Variants in ASB7 observed in about 807,000 individuals in gnomAD.
ASB7 encodes the protein ankyrin repeat and SOCS box containing 7.
A neutral mutation model predicts 32.5 loss-of-function variants in ASB7; 4 were observed. That is an observed-to-expected ratio of 0.12 (90% CI 0.06 to 0.28). ASB7 has a LOEUF of 0.28. Among genes scored for constraint, ASB7 ranks in the 10% least tolerant of loss-of-function variants. ASB7 has a pLI of 1.00. For synonymous variants in ASB7, 172 were observed against 155.6 expected, an observed-to-expected ratio of 1.11 and a Z score of -0.78; for missense variants, 181 against 407.1, an observed-to-expected ratio of 0.44 and a Z score of 4.78.
chr15:100,637,952 GCT>G (rs1247257591), intron 5 of ASB7, among the ~76,000 whole-genome samples: 1 of 146,984 alleles, frequency 6.8e-6, no homozygotes, highest in African/African-American at 2.7e-5. Flanking sequence ...TTGGAAAGCA[GCT>G]CTTTTTTTTT....
intron 5 of ASB7, among the ~76,000 whole-genome samples, chr15:100,630,675 G>A (rs2039876729): frequency 6.6e-6 from 1 of 152,122 alleles, no homozygotes; most frequent in Non-Finnish European, 1.5e-5. Flanking sequence ...TTTTTGTGTG[G>A]GTGCTTTTTT....
At chr15:100,626,643 CTCTG>C (rs1033208654) in intron 4 of ASB7, among the ~76,000 whole-genome samples, 3 of 152,072 alleles carry the variant, frequency 2.0e-5, no homozygotes, top group Admixed American at 6.5e-5. Context: ...CTCTCTCTCT[CTCTG>C]TCTGTCTCTC....
rs1330660680 is a variant in ASB7 at position 100,602,602 on chromosome 15, T to A, written c.-717T>A. Reference sequence around the variant, plus strand: ...TGGTCCCATCCCAGTGACCCCAAAGTGCTGAAGGGAGGGGGCGGGGGTGGC... The same window carrying A: ...TGGTCCCATCCCAGTGACCCCAAAGAGCTGAAGGGAGGGGGCGGGGGTGGC... On this transcript the variant is annotated 5_prime_UTR_variant, in exon 1 of 6. Coordinates refer to ENST00000332783, the MANE Select transcript of ASB7 (RefSeq NM_198243.3). 6 of 181,062 alleles carry A rather than the reference T, an allele frequency of 3.3e-5. No individual in the cohort carries two copies. The highest frequency in any genetic ancestry group is 5.7e-5 in the Non-Finnish European group (5 of 87,778). 11.2% of individuals were successfully genotyped at this position (181,062 alleles called of 1,614,324 possible). A position where few individuals can be genotyped will look rare whatever the true frequency, so the allele number is the denominator to read the frequency against.
At chr15:100,616,757 T>G (rs1421220992) in intron 4 of ASB7, among the ~76,000 whole-genome samples, 1 of 152,258 alleles carries the variant, frequency 6.6e-6, no homozygotes, top group African/African-American at 2.4e-5. Flanking sequence ...CCCAGTGTAT[T>G]ATGAACCAAC....
intron 5 of ASB7, among the ~76,000 whole-genome samples, chr15:100,631,987 T>C (rs1312206207): frequency 2.0e-5 from 3 of 152,176 alleles, no homozygotes; most frequent in Non-Finnish European, 4.4e-5. Context: ...AGTCTGTACA[T>C]GGAGGCACGC....
At chr15:100,610,604 G>A (rs2039687588) in intron 3 of ASB7, among the ~76,000 whole-genome samples, 1 of 152,154 alleles carries the variant, frequency 6.6e-6, no homozygotes, top group African/African-American at 2.4e-5. Context: ...GTGATACTTA[G>A]GAGTAGGTAA....
At chr15:100,616,579 T>G (rs2039745252) in intron 4 of ASB7, among the ~76,000 whole-genome samples, 1 of 152,250 alleles carries the variant, frequency 6.6e-6, no homozygotes, top group African/African-American at 2.4e-5. Flanking sequence ...TCTTTCTTCA[T>G]TACTGTGCAC....
At chr15:100,625,029 A>T (rs1199792925) in intron 4 of ASB7, among the ~76,000 whole-genome samples, 1 of 152,216 alleles carries the variant, frequency 6.6e-6, no homozygotes, top group Admixed American at 6.5e-5. Flanking sequence ...CAATCATTTC[A>T]GTAGATTCAG....
intron 5 of ASB7, among the ~76,000 whole-genome samples, chr15:100,632,036 A>G (rs1157175695): frequency 6.6e-6 from 1 of 152,206 alleles, no homozygotes; most frequent in African/African-American, 2.4e-5. Flanking sequence ...CAGGACAAGC[A>G]CGTGGGCGGC....
At chr15:100,631,046 A>G (rs187780222) in intron 5 of ASB7, among the ~76,000 whole-genome samples, 1 of 152,206 alleles carries the variant, frequency 6.6e-6, no homozygotes, top group African/African-American at 2.4e-5. Flanking sequence ...CCTTTGGAGT[A>G]CACATTTGCT....
At chr15:100,626,919 G>T (rs976120644) in intron 4 of ASB7, among the ~76,000 whole-genome samples, 4 of 152,130 alleles carry the variant, frequency 2.6e-5, no homozygotes, top group Non-Finnish European at 5.9e-5. Flanking sequence ...CCAGTGGTTT[G>T]CCTGGGACCC....
rs1257930530 is a variant in ASB7, at chr15:100,612,347, A to G, written c.131A>G (p.Asp44Gly). 1 of 1,614,014 alleles carries G rather than the reference A, an allele frequency of 6.2e-7. No individual in the cohort carries two copies. The highest frequency in any genetic ancestry group is 8.5e-7 in the Non-Finnish European group (1 of 1,179,966). Residue 44 changes from aspartate (D) to glycine (G), a missense_variant, in exon 4 of 6, where the codon GAT (aspartate) becomes GGT (glycine). Asp to Gly is a moderately conservative substitution (Grantham distance 94). Coordinates refer to ENST00000332783, the MANE Select transcript of ASB7 (RefSeq NM_198243.3). ...CAAGGCTATTCCCCGAATGGCCGAG[A>G]TGCGAATGGCTGGACTCTGCTTCAT... ...LEQGYSPNGRDANGWTLLHFS... is the reference protein window; with the variant it reads ...LEQGYSPNGRGANGWTLLHFS...
intron 2 of ASB7, among the ~76,000 whole-genome samples, chr15:100,607,620 T>A (rs1295590102): frequency 6.6e-6 from 1 of 152,196 alleles, no homozygotes; most frequent in Non-Finnish European, 1.5e-5. Flanking sequence ...GCACTTGGTA[T>A]TTTCAGAAAA....
At chr15:100,643,539 G>A (rs1449037145) in intron 5 of ASB7, among the ~76,000 whole-genome samples, 1 of 145,034 alleles carries the variant, frequency 6.9e-6, no homozygotes, top group East Asian at 2.0e-4. Context: ...TCCCAGGCTG[G>A]AGTGCAGTGG....
intron 4 of ASB7, among the ~76,000 whole-genome samples, chr15:100,619,015 C>T (rs1403636830): frequency 1.3e-5 from 2 of 152,152 alleles, no homozygotes; most frequent in East Asian, 3.8e-4. Context: ...CCGTTTCTTA[C>T]CTGTAATTCT....
intron 4 of ASB7, among the ~76,000 whole-genome samples, chr15:100,628,990 T>C (rs968857797): frequency 3.3e-5 from 5 of 152,184 alleles, no homozygotes; most frequent in Non-Finnish European, 5.9e-5. Context: ...GAGCATAGTG[T>C]ATCTGTAATT....
intron 5 of ASB7, among the ~76,000 whole-genome samples, chr15:100,647,942 T>G (rs1367395939): frequency 6.6e-6 from 1 of 152,168 alleles, no homozygotes; most frequent in African/African-American, 2.4e-5. Flanking sequence ...TCACCCAGCG[T>G]GAGAGAGACC....
chr15:100,618,606 A>C (rs896133720), intron 4 of ASB7, among the ~76,000 whole-genome samples: 1 of 142,908 alleles, frequency 7.0e-6, no homozygotes, highest in Admixed American at 7.1e-5. Flanking sequence ...TCACCTTCTC[A>C]CCCTGCTGTG....
At chr15:100,645,586 A>G (rs764714417) in intron 5 of ASB7, 5 of 716,982 alleles carry the variant, frequency 7.0e-6, no homozygotes, top group South Asian at 2.7e-5. Context: ...TGACGGTGTT[A>G]TATAAGGATC....
Sources: allele counts gnomAD v4.1 joint callset (sites outside exome capture counted in the v4.1 genomes callset), GRCh38; gene constraint gnomAD v4.1.1; transcripts MANE v1.5; gene names NCBI Gene and HGNC (gene_info 2026-07-23, HGNC 2026-07-21).